KALRN: variants seen among roughly 807,000 people sequenced by gnomAD.
The protein encoded by KALRN is kalirin.
A neutral mutation model predicts 353.7 loss-of-function variants in KALRN; 70 were observed. That is an observed-to-expected ratio of 0.20 (90% CI 0.16 to 0.24). The LOEUF (loss-of-function observed/expected upper bound fraction) is 0.24, where lower values mean the gene tolerates loss of function less well. KALRN is among the 10% of genes least tolerant of loss of function. The pLI, the probability that KALRN is intolerant of heterozygous loss-of-function variation, is 1.00. For synonymous variants in KALRN, 1,391 were observed against 1,434.8 expected, an observed-to-expected ratio of 0.97 and a Z score of 0.69; for missense variants, 2,791 against 3,756.7, an observed-to-expected ratio of 0.74 and a Z score of 6.72.
chr3:124,519,854 T>C (rs2067014409), intron 33 of KALRN: 1 of 985,428 alleles, frequency 1.0e-6, no homozygotes, highest in Non-Finnish European at 1.2e-6. Context: ...TAAAGCAGGC[T>C]GTTGATATAC....
chr3:124,522,321 T>C (rs945031317), intron 33 of KALRN, among the ~76,000 whole-genome samples: 2 of 152,002 alleles, frequency 1.3e-5, no homozygotes, highest in African/African-American at 4.8e-5. Flanking sequence ...ATATATACTA[T>C]ACATATACAA....
intron 51 of KALRN, among the ~76,000 whole-genome samples, chr3:124,686,091 A>G (rs1440912148): frequency 6.6e-6 from 1 of 152,244 alleles, no homozygotes; most frequent in Non-Finnish European, 1.5e-5. Context: ...TAAGAAGCAT[A>G]AGAAGGAGGC....
At chr3:124,634,894 T>C (rs1414248418) in intron 36 of KALRN, among the ~76,000 whole-genome samples, 1 of 152,226 alleles carries the variant, frequency 6.6e-6, no homozygotes, top group Non-Finnish European at 1.5e-5. Flanking sequence ...CTCTGCCCTG[T>C]AGTGGGACAG....
intron 21 of KALRN, 179 bp from the exon 22 acceptor site, chr3:124,454,998 A>C: frequency 3.3e-6 from 2 of 613,656 alleles, no homozygotes; most frequent in Non-Finnish European, 5.7e-6. Flanking sequence ...AAATGGAGGC[A>C]CAGAGGGTTT....
At chr3:124,231,944 G>A (rs1181550768) in intron 2 of KALRN, among the ~76,000 whole-genome samples, 1 of 152,136 alleles carries the variant, frequency 6.6e-6, no homozygotes, top group Non-Finnish European at 1.5e-5. Context: ...TGGTACGAAA[G>A]TCCTCCACCT....
intron 1 of KALRN, among the ~76,000 whole-genome samples, chr3:124,202,920 G>T (rs986984079): frequency 6.6e-6 from 1 of 152,166 alleles, no homozygotes; most frequent in Non-Finnish European, 1.5e-5. Flanking sequence ...CTCATTTGCA[G>T]TGTGTCGTGC....
At chr3:124,697,817 T>C (rs1357968074) in intron 55 of KALRN, 93 bp downstream of exon 55, 2 of 1,273,332 alleles carry the variant, frequency 1.6e-6, no homozygotes, top group African/African-American at 1.5e-5. Context: ...AAATTTACCA[T>C]GCTAACCATT....
At chr3:124,684,765 G>A (rs1285509475) in intron 51 of KALRN, among the ~76,000 whole-genome samples, 1 of 152,204 alleles carries the variant, frequency 6.6e-6, no homozygotes, top group Non-Finnish European at 1.5e-5. Context: ...TTTTCAGGGG[G>A]TGTGGCGGGA....
At chr3:124,182,306 A>G (rs1025431246) in intron 1 of KALRN, among the ~76,000 whole-genome samples, 4 of 152,198 alleles carry the variant, frequency 2.6e-5, no homozygotes, top group Non-Finnish European at 5.9e-5. Context: ...ATGGTCTCTT[A>G]GGAGGCTGCA....
intron 1 of KALRN, among the ~76,000 whole-genome samples, chr3:124,047,711 G>T (rs917574352): frequency 6.7e-6 from 1 of 149,092 alleles, no homozygotes; most frequent in Non-Finnish European, 1.5e-5. Flanking sequence ...CACAGTGTTC[G>T]CCAGGATGGT....
At chr3:124,493,433 T>C (rs150920836) in intron 32 of KALRN, among the ~76,000 whole-genome samples, 346 of 152,330 alleles carry the variant, frequency 2.3e-3, no homozygotes, top group African/African-American at 7.7e-3. Flanking sequence ...TTCTGGATGC[T>C]TCTGAATCCC....
chr3:124,448,797 A>G (rs1041925717), intron 21 of KALRN, among the ~76,000 whole-genome samples: 5 of 152,222 alleles, frequency 3.3e-5, no homozygotes, highest in Admixed American at 2.6e-4. Context: ...ACTTAAAGAC[A>G]AGAACCACAC....
chr3:124,584,822 A>G (rs759554359), intron 34 of KALRN: 50 of 1,603,352 alleles, frequency 3.1e-5, no homozygotes, highest in Admixed American at 8.5e-5. Flanking sequence ...GCGGGGCAAC[A>G]TGAAGGGCGG....
chr3:124,125,927 G>C (rs772483116), intron 1 of KALRN, among the ~76,000 whole-genome samples: 1 of 152,116 alleles, frequency 6.6e-6, no homozygotes, highest in Non-Finnish European at 1.5e-5. Flanking sequence ...TAGAGGCTGC[G>C]TCTTGGTTTG....
intron 15 of KALRN, among the ~76,000 whole-genome samples, chr3:124,429,208 G>T (rs923454098): frequency 6.6e-6 from 1 of 152,184 alleles, no homozygotes; most frequent in Non-Finnish European, 1.5e-5. Flanking sequence ...CAATCTGCTA[G>T]CTTGGCCATG....
chr3:124,524,604 A>G (rs985800218), intron 33 of KALRN, among the ~76,000 whole-genome samples: 1 of 152,232 alleles, frequency 6.6e-6, no homozygotes, highest in Non-Finnish European at 1.5e-5. Flanking sequence ...ACATAAGAGA[A>G]AACAGGTTGA....
chr3:124,484,825 C>T (rs1174837750), intron 28 of KALRN, among the ~76,000 whole-genome samples: 1 of 152,186 alleles, frequency 6.6e-6, no homozygotes. Context: ...TTTTCATGGT[C>T]GGGCATGGTG....
intron 25 of KALRN, among the ~76,000 whole-genome samples, chr3:124,469,590 A>C (rs1355960401): frequency 1.3e-5 from 2 of 152,218 alleles, no homozygotes; most frequent in Non-Finnish European, 1.5e-5. Flanking sequence ...GCAGTTACCC[A>C]GCCTTGCTTT....
intron 21 of KALRN, among the ~76,000 whole-genome samples, chr3:124,449,396 A>T (rs1447675607): frequency 2.0e-5 from 3 of 152,218 alleles, no homozygotes; most frequent in Admixed American, 6.5e-5. Context: ...CATCATTTTC[A>T]TGTTGTGGTA....
Sources: allele counts gnomAD v4.1 joint callset (sites outside exome capture counted in the v4.1 genomes callset), GRCh38; gene constraint gnomAD v4.1.1; transcripts MANE v1.5; gene names NCBI Gene and HGNC (gene_info 2026-07-23, HGNC 2026-07-21).